The following INSL6 variants were observed in gnomAD, a reference collection of about 807,000 sequenced individuals.
The protein encoded by INSL6 is insulin like 6, also known as insulin-like peptide INSL6.
In INSL6, 16 loss-of-function variants were observed where a neutral mutation model predicts 9.4. The observed-to-expected ratio is 1.70, with a 90% CI of 1.15 to 2.59. The LOEUF (loss-of-function observed/expected upper bound fraction) is 2.59, where lower values mean the gene tolerates loss of function less well. Ranked by LOEUF, INSL6 falls within the 30% of genes most tolerant of loss-of-function variation. The pLI is 0.00. For missense variants in INSL6, 391 were observed against 257.3 expected (o/e 1.52, Z -3.56); for synonymous variants, 154 against 96.9 (o/e 1.59, Z -3.46).
At chr9:5,168,305 T>A (rs912239112) in intron 1 of INSL6, among the ~76,000 whole-genome samples, 1 of 152,136 alleles carries the variant, frequency 6.6e-6, no homozygotes, top group African/African-American at 2.4e-5. Flanking sequence ...TTCAAACTTG[T>A]TGCAAAGAAG....
At chr9:5,147,301 G>C (rs964018963) in intron 2 of INSL6, among the ~76,000 whole-genome samples, 1 of 152,212 alleles carries the variant, frequency 6.6e-6, no homozygotes, top group Non-Finnish European at 1.5e-5. Flanking sequence ...GCCCACAGGA[G>C]ACAGTCTGGA....
the INSL6 span, chr9:5,085,646 T>A: frequency 1.1e-5 from 8 of 723,138 alleles, no homozygotes; most frequent in East Asian, 2.0e-4. Context: ...TCACCCCAGA[T>A]CTTGTGTGTT....
chr9:5,175,248 A>AAGAATGACTTCCTTCCTC (rs1312213951), intron 1 of INSL6, among the ~76,000 whole-genome samples: 4 of 152,108 alleles, frequency 2.6e-5, no homozygotes, highest in African/African-American at 4.8e-5. Context: ...CCATGGAGTC[A>AAGAATGACTTCCTTCCTC]TTCTTGATTT....
chr9:5,084,678 C>G, the INSL6 span, among the ~76,000 whole-genome samples: 3 of 151,882 alleles, frequency 2.0e-5, no homozygotes, highest in African/African-American at 7.3e-5. Context: ...TACTTATATT[C>G]TTTTTTAAAT....
intron 3 of INSL6, chr9:5,128,069 TATG>T (rs1238502066): frequency 4.6e-6 from 1 of 218,964 alleles, no homozygotes; most frequent in Non-Finnish European, 8.8e-6. Context: ...TAAAATAAAA[TATG>T]GTGGGTTTTG....
chr9:5,136,993 A>C (rs1015509448), intron 2 of INSL6, among the ~76,000 whole-genome samples: 1 of 152,166 alleles, frequency 6.6e-6, no homozygotes, highest in African/African-American at 2.4e-5. Flanking sequence ...AAACAGCCAA[A>C]TCATGAGTGA....
chr9:5,125,249 C>T (rs117318310), intron 3 of INSL6, among the ~76,000 whole-genome samples: 2,314 of 150,804 alleles, frequency 0.015, 36 homozygotes, highest in South Asian at 0.035. Flanking sequence ...TATAAAAGTT[C>T]ACTTATATAA....
At chr9:5,156,427 T>C (rs1403734952) in intron 2 of INSL6, among the ~76,000 whole-genome samples, 12 of 152,194 alleles carry the variant, frequency 7.9e-5, no homozygotes, top group Admixed American at 2.6e-4. Flanking sequence ...ACCCCATTCC[T>C]ATTAGCAAAC....
the INSL6 span, among the ~76,000 whole-genome samples, chr9:5,046,507 T>C: frequency 6.6e-6 from 1 of 152,218 alleles, no homozygotes; most frequent in African/African-American, 2.4e-5. Context: ...TCTTTCTGTT[T>C]TCTTGTAAGA....
the INSL6 span, among the ~76,000 whole-genome samples, chr9:5,026,052 G>A: frequency 6.6e-6 from 1 of 152,020 alleles, no homozygotes; most frequent in Non-Finnish European, 1.5e-5. Context: ...ATTTTGCAAA[G>A]AATCATCTTT....
At chr9:5,110,872 C>G in the INSL6 span, 1 of 514,336 alleles carries the variant, frequency 1.9e-6, no homozygotes, top group Non-Finnish European at 3.7e-6. Flanking sequence ...CCGCGCCCAG[C>G]AGGGTTTCCA....
chr9:5,114,208 C>G, the INSL6 span: 2 of 496,750 alleles, frequency 4.0e-6, no homozygotes, highest in Non-Finnish European at 7.9e-6. Context: ...CTGAGCCGGT[C>G]CAGCCCCTTC....
At chr9:5,080,551 G>C in the INSL6 span, 1 of 1,593,344 alleles carries the variant, frequency 6.3e-7, no homozygotes, top group South Asian at 1.2e-5. Flanking sequence ...ATTTTATGAA[G>C]ATAGGCATCA....
At chr9:5,124,994 T>C (rs1823881088) in intron 3 of INSL6, among the ~76,000 whole-genome samples, 1 of 151,526 alleles carries the variant, frequency 6.6e-6, no homozygotes, top group African/African-American at 2.4e-5. Flanking sequence ...ATATTACTTT[T>C]ATTAAATCCA....
At chr9:5,076,182 C>G in the INSL6 span, among the ~76,000 whole-genome samples, 1 of 152,228 alleles carries the variant, frequency 6.6e-6, no homozygotes, top group East Asian at 1.9e-4. Flanking sequence ...ATGCTGTGAA[C>G]ATTGTGAAAT....
At chr9:5,092,954 C>A in the INSL6 span, among the ~76,000 whole-genome samples, 1 of 152,260 alleles carries the variant, frequency 6.6e-6, no homozygotes, top group Non-Finnish European at 1.5e-5. Flanking sequence ...AATAACATCG[C>A]CATAGTTGGC....
At chr9:5,103,220 G>GAA in the INSL6 span, among the ~76,000 whole-genome samples, 1 of 6,906 alleles carries the variant, frequency 1.4e-4, no homozygotes. Context: ...CAAAGGGAAA[G>GAA]CAAAAAAAAA....
intron 1 of INSL6, 40 bp downstream of exon 1, chr9:5,185,274 T>G (rs546152981): frequency 6.2e-7 from 1 of 1,613,226 alleles, no homozygotes; most frequent in East Asian, 2.2e-5. Context: ...ATAAGAAATA[T>G]ACAGAGGTGA....
At chr9:5,049,297 G>A in the INSL6 span, among the ~76,000 whole-genome samples, 1 of 152,078 alleles carries the variant, frequency 6.6e-6, no homozygotes, top group Admixed American at 6.5e-5. Flanking sequence ...GTCATTCAAG[G>A]GTACCTGCAG....
Sources: allele counts gnomAD v4.1 joint callset (sites outside exome capture counted in the v4.1 genomes callset), GRCh38; gene constraint gnomAD v4.1.1; transcripts MANE v1.5; gene names NCBI Gene and HGNC (gene_info 2026-07-23, HGNC 2026-07-21).